The following NAALADL2 variants were observed in gnomAD, a reference collection of about 807,000 sequenced individuals.
NAALADL2 encodes N-acetylated alpha-linked acidic dipeptidase like 2.
NAALADL2 carries 76 observed loss-of-function variants against 87.2 expected under a neutral mutation model. That is an observed-to-expected ratio of 0.87 (90% confidence interval 0.72 to 1.05). NAALADL2 has a LOEUF of 1.05. Among genes scored for constraint, NAALADL2 ranks in the 50% least tolerant of loss-of-function variants. The probability of loss-of-function intolerance (pLI) is 0.00; values close to 1 mark genes in which losing one functional copy is unlikely to be tolerated. For synonymous variants in NAALADL2, 354 were observed against 331.0 expected, an observed-to-expected ratio of 1.07 and a Z score of -0.75; for missense variants, 1,089 against 945.8, an observed-to-expected ratio of 1.15 and a Z score of -1.99.
intron 1 of NAALADL2, among the ~76,000 whole-genome samples, chr3:174,861,019 A>T (rs1726418536): frequency 6.6e-6 from 1 of 152,092 alleles, no homozygotes; most frequent in Non-Finnish European, 1.5e-5. Flanking sequence ...GGTGTGCTTT[A>T]AGTTCAAGAA....
chr3:175,711,476 A>C (rs1561017052), intron 11 of NAALADL2, among the ~76,000 whole-genome samples: 1 of 151,872 alleles, frequency 6.6e-6, no homozygotes, highest in Admixed American at 6.6e-5. Flanking sequence ...TATATGTCTT[A>C]ATCAGTCTGA....
intron 13 of NAALADL2, among the ~76,000 whole-genome samples, chr3:175,800,306 A>T (rs924872590): frequency 3.9e-5 from 6 of 152,134 alleles, no homozygotes; most frequent in Admixed American, 6.6e-5. Context: ...TCCACCTGGG[A>T]GGTAATTTTC....
At chr3:174,677,336 A>G (rs1727129674) in intron 2 of NAALADL2, among the ~76,000 whole-genome samples, 1 of 151,952 alleles carries the variant, frequency 6.6e-6, no homozygotes. Flanking sequence ...TTCCTATGTC[A>G]TTCATATCAT....
chr3:175,160,708 G>A (rs1733073862), intron 2 of NAALADL2, among the ~76,000 whole-genome samples: 1 of 151,876 alleles, frequency 6.6e-6, no homozygotes, highest in African/African-American at 2.4e-5. Context: ...AAGAAATAAT[G>A]ATTAATCCAA....
chr3:175,353,794 A>T (rs532545343), intron 5 of NAALADL2, among the ~76,000 whole-genome samples: 1 of 152,350 alleles, frequency 6.6e-6, no homozygotes, highest in East Asian at 1.9e-4. Flanking sequence ...ATATTTTGTC[A>T]CACTGTTTAG....
intron 12 of NAALADL2, among the ~76,000 whole-genome samples, chr3:175,748,586 G>A (rs897376363): frequency 1.3e-5 from 2 of 151,986 alleles, no homozygotes; most frequent in Non-Finnish European, 2.9e-5. Context: ...ATAGGTTCTG[G>A]GAAATACTAT....
intron 2 of NAALADL2, among the ~76,000 whole-genome samples, chr3:174,590,345 T>C (rs551514254): frequency 2.8e-4 from 43 of 152,268 alleles, no homozygotes; most frequent in African/African-American, 1.0e-3. Context: ...TAAAATAATG[T>C]AGTATTTAGC....
At chr3:175,370,786 G>T (rs749392987) in intron 5 of NAALADL2, among the ~76,000 whole-genome samples, 1 of 152,074 alleles carries the variant, frequency 6.6e-6, no homozygotes, top group Admixed American at 6.6e-5. Context: ...TATAAACACC[G>T]TAGTAACTTT....
At chr3:175,083,675 CTTTAA>C (rs1197283832) in intron 1 of NAALADL2, among the ~76,000 whole-genome samples, 5 of 151,980 alleles carry the variant, frequency 3.3e-5, no homozygotes, top group Admixed American at 2.0e-4. Flanking sequence ...TATCAAATGC[CTTTAA>C]TTTAATATTT....
chr3:174,478,160 G>A (rs1192242683), intron 1 of NAALADL2, among the ~76,000 whole-genome samples: 1 of 152,038 alleles, frequency 6.6e-6, no homozygotes, highest in Non-Finnish European at 1.5e-5. Flanking sequence ...GACTGGTTGT[G>A]TTTTTAGAAA....
intron 1 of NAALADL2, among the ~76,000 whole-genome samples, chr3:174,961,402 A>C (rs1741981962): frequency 6.6e-6 from 1 of 152,112 alleles, no homozygotes; most frequent in Non-Finnish European, 1.5e-5. Flanking sequence ...CTTAAAAGCA[A>C]GAATTTCAAG....
chr3:175,194,454 C>T (rs2109082337), intron 2 of NAALADL2, among the ~76,000 whole-genome samples: 1 of 151,906 alleles, frequency 6.6e-6, no homozygotes, highest in African/African-American at 2.4e-5. Context: ...AAGTATTTAG[C>T]AATGTGAAAA....
At chr3:175,565,820 G>GTC (rs1553923364) in intron 9 of NAALADL2, among the ~76,000 whole-genome samples, 3 of 70,174 alleles carry the variant, frequency 4.3e-5, no homozygotes, top group Non-Finnish European at 9.4e-5. Context: ...AAAAACAAAA[G>GTC]CCCCCCCCCT....
intron 2 of NAALADL2, among the ~76,000 whole-genome samples, chr3:174,651,250 A>G (rs952141138): frequency 6.6e-5 from 10 of 152,200 alleles, no homozygotes; most frequent in Non-Finnish European, 1.2e-4. Context: ...GGTTACCAAC[A>G]CAATTGCTGC....
At chr3:175,050,336 C>T (rs981113054) in intron 1 of NAALADL2, among the ~76,000 whole-genome samples, 3 of 142,368 alleles carry the variant, frequency 2.1e-5, no homozygotes, top group Non-Finnish European at 4.6e-5. Flanking sequence ...GATCTCAGCT[C>T]ACTGCAGCCT....
chr3:175,163,643 TA>T (rs1316701558), intron 2 of NAALADL2, among the ~76,000 whole-genome samples: 6 of 152,240 alleles, frequency 3.9e-5, no homozygotes, highest in Admixed American at 2.6e-4. Flanking sequence ...ATGACTAGTA[TA>T]AAAAGACCCA....
chr3:175,439,279 G>C (rs1005668528), intron 5 of NAALADL2, among the ~76,000 whole-genome samples: 1 of 151,742 alleles, frequency 6.6e-6, no homozygotes, highest in African/African-American at 2.4e-5. Context: ...TTTTGCAGTT[G>C]TGAATTGTGT....
intron 5 of NAALADL2, among the ~76,000 whole-genome samples, chr3:175,444,126 AGG>A (rs1246264207): frequency 6.6e-6 from 1 of 152,202 alleles, no homozygotes; most frequent in African/African-American, 2.4e-5. Flanking sequence ...GGGATCATGA[AGG>A]GCTTTGAATG....
At chr3:174,830,911 C>G (rs1234172940) in intron 3 of NAALADL2, among the ~76,000 whole-genome samples, 1 of 151,210 alleles carries the variant, frequency 6.6e-6, no homozygotes, top group Non-Finnish European at 1.5e-5. Flanking sequence ...CTCTGTTTGT[C>G]TGTTGTTGGT....
Sources: gnomAD v4.1 joint callset for allele counts (sites outside exome capture counted in the v4.1 genomes callset) on GRCh38, gnomAD v4.1.1 for gene constraint, MANE v1.5 for transcripts, NCBI Gene and HGNC (gene_info 2026-07-23, HGNC 2026-07-21) for gene names.